STEAP1B: variants seen among roughly 807,000 people sequenced by gnomAD.
STEAP1B encodes STEAP family protein MGC87042.
STEAP1B carries 13 observed loss-of-function variants against 27.9 expected under a neutral mutation model. The observed-to-expected ratio is 0.47, with a 90% CI of 0.30 to 0.74. STEAP1B has a LOEUF of 0.74. STEAP1B is among the 30% of genes least tolerant of loss of function. STEAP1B has a pLI of 0.06. For synonymous variants in STEAP1B, 86 were observed against 107.1 expected (o/e 0.80, Z 1.22); for missense variants, 250 against 298.7 (o/e 0.84, Z 1.20).
At chr7:22,498,743 C>T (rs1786484484) in intron 1 of STEAP1B, among the ~76,000 whole-genome samples, 1 of 152,192 alleles carries the variant, frequency 6.6e-6, no homozygotes, top group Non-Finnish European at 1.5e-5. Flanking sequence ...AAAGGCTCAG[C>T]GCTGTCTTCT....
chr7:22,486,570 T>C (rs1350636223), intron 4 of STEAP1B, among the ~76,000 whole-genome samples: 2 of 152,048 alleles, frequency 1.3e-5, no homozygotes, highest in Non-Finnish European at 2.9e-5. Context: ...GTCTACAGCT[T>C]GATTCTTCCC....
intron 4 of STEAP1B, among the ~76,000 whole-genome samples, chr7:22,448,777 G>T (rs1198457947): frequency 1.3e-5 from 2 of 152,152 alleles, no homozygotes; most frequent in Non-Finnish European, 2.9e-5. Context: ...AGTACATGTG[G>T]AAGTCTGGGA....
chr7:22,424,189 G>A (rs1344282095), intron 4 of STEAP1B, among the ~76,000 whole-genome samples: 3 of 152,108 alleles, frequency 2.0e-5, no homozygotes, highest in East Asian at 1.9e-4. Flanking sequence ...GATAGATAGC[G>A]ATTTTACACA....
chr7:22,458,678 C>T (rs1408889931), intron 4 of STEAP1B, among the ~76,000 whole-genome samples: 1 of 152,068 alleles, frequency 6.6e-6, no homozygotes, highest in Non-Finnish European at 1.5e-5. Context: ...CCATGGAAGC[C>T]CCAAGAAGCT....
chr7:22,422,519 G>A (rs1785056659), intron 4 of STEAP1B, among the ~76,000 whole-genome samples: 2 of 149,586 alleles, frequency 1.3e-5, no homozygotes. Context: ...TTGAGATAGA[G>A]TTTCACTCTT....
In STEAP1B at chr7:22,442,827, C is replaced by T. The variant is rs139465715; in HGVS notation, c.763-22991G>A. Among the ~76,000 whole-genome samples, 12 of 152,194 alleles carry T rather than the reference C, an allele frequency of 7.9e-5. No homozygotes were observed. In the East Asian group the frequency reaches 2.3e-3, roughly 29 times the overall value. ...ACAATGAGGAGGACTTGGCAGTGCT[C>T]CCAGAAAGAAATAGGAGTGATGGAG... On this transcript the variant is annotated intron_variant, in intron 4 of 4. Transcript: ENST00000678116.
At position 22,419,648 on chromosome 7, in the gene STEAP1B, C is replaced by A; in HGVS notation, c.*156G>T. ...TCCGCTGGGGGATCCACTCATCTGC[C>A]CTGCCGGATCCATGTTGACAGAGCA... On this transcript the variant is annotated 3_prime_UTR_variant, in exon 5 of 5. Transcript: ENST00000678116. 1 of 743,430 alleles carries A rather than the reference C, an allele frequency of 1.3e-6. No individual in the cohort carries two copies. Among genetic ancestry groups the A allele is most frequent in the Non-Finnish European group, 2.0e-6 (1 of 489,450 alleles). 46.1% of individuals were successfully genotyped at this position (743,430 alleles called of 1,614,324 possible).
At chr7:22,463,291 C>T (rs528183281) in intron 4 of STEAP1B, among the ~76,000 whole-genome samples, 1 of 151,798 alleles carries the variant, frequency 6.6e-6, no homozygotes, top group African/African-American at 2.4e-5. Context: ...AACCACTGCT[C>T]AAGGAAATAA....
chr7:22,481,758 C>T (rs148512948), intron 4 of STEAP1B, among the ~76,000 whole-genome samples: 92 of 152,336 alleles, frequency 6.0e-4, no homozygotes, highest in African/African-American at 2.0e-3. Context: ...ATTGCAGGTG[C>T]TCCCCAGATG....
chr7:22,429,988 C>T (rs1298263475), intron 4 of STEAP1B, among the ~76,000 whole-genome samples: 1 of 152,074 alleles, frequency 6.6e-6, no homozygotes, highest in East Asian at 1.9e-4. Context: ...TGAGGATTTA[C>T]CCTTGAGGGC....
At chr7:22,436,341 T>A (rs1562567353) in intron 4 of STEAP1B, among the ~76,000 whole-genome samples, 2 of 152,132 alleles carry the variant, frequency 1.3e-5, no homozygotes, top group Non-Finnish European at 2.9e-5. Flanking sequence ...ATCCATCACA[T>A]CAAAAAGATT....
intron 4 of STEAP1B, among the ~76,000 whole-genome samples, chr7:22,445,688 A>C (rs1785399029): frequency 6.6e-6 from 1 of 152,270 alleles, no homozygotes; most frequent in African/African-American, 2.4e-5. Flanking sequence ...AGCTTCCCAG[A>C]TGCAAGAGCA....
chr7:22,466,357 T>C (rs1478820342), intron 4 of STEAP1B, among the ~76,000 whole-genome samples: 1 of 150,112 alleles, frequency 6.7e-6, no homozygotes, highest in Non-Finnish European at 1.5e-5. Context: ...GTAGTTTTTT[T>C]ATTCTCACCC....
chr7:22,448,740 G>C (rs1785443108), intron 4 of STEAP1B, among the ~76,000 whole-genome samples: 1 of 152,160 alleles, frequency 6.6e-6, no homozygotes, highest in Admixed American at 6.5e-5. Flanking sequence ...CTGCAGGCAT[G>C]TTCTGAGGCC....
At chr7:22,498,779 G>A (rs1457054266) in intron 1 of STEAP1B, among the ~76,000 whole-genome samples, 2 of 151,994 alleles carry the variant, frequency 1.3e-5, no homozygotes, top group Non-Finnish European at 1.5e-5. Flanking sequence ...GTAGCTAGCA[G>A]GTTGGCAGTG....
chr7:22,464,862 A>G (rs1785745870), intron 4 of STEAP1B, among the ~76,000 whole-genome samples: 1 of 146,424 alleles, frequency 6.8e-6, no homozygotes. Flanking sequence ...ACCCTAGCAA[A>G]CTAATATAGT....
intron 4 of STEAP1B, among the ~76,000 whole-genome samples, chr7:22,490,082 T>A (rs1786293667): frequency 6.6e-6 from 1 of 152,246 alleles, no homozygotes; most frequent in African/African-American, 2.4e-5. Flanking sequence ...TCCAAAAGAA[T>A]GTTTTCTATC....
At chr7:22,455,393 T>C (rs757640258) in intron 4 of STEAP1B, among the ~76,000 whole-genome samples, 8 of 152,234 alleles carry the variant, frequency 5.3e-5, no homozygotes, top group Non-Finnish European at 1.2e-4. Flanking sequence ...CAATACTTGA[T>C]ATTGTCAGTT....
intron 4 of STEAP1B, among the ~76,000 whole-genome samples, chr7:22,436,185 T>C (rs1785251966): frequency 6.8e-6 from 1 of 147,148 alleles, no homozygotes; most frequent in African/African-American, 2.4e-5. Flanking sequence ...AAATCATTTT[T>C]TTCCACTTTT....
Sources: allele counts gnomAD v4.1 joint callset (sites outside exome capture counted in the v4.1 genomes callset), GRCh38; gene constraint gnomAD v4.1.1; transcripts MANE v1.5; gene names NCBI Gene and HGNC (gene_info 2026-07-23, HGNC 2026-07-21).